The following EYS variants were observed in gnomAD, a reference collection of about 807,000 sequenced individuals.
EYS encodes protein eyes shut homolog.
In EYS, 250 loss-of-function variants were observed where a neutral mutation model predicts 282.1. That is an observed-to-expected ratio of 0.89 (90% CI 0.80 to 0.98). The LOEUF is 0.98. Ranked by LOEUF, EYS falls within the 50% of genes least tolerant of loss-of-function variation. The pLI is 0.00. For synonymous variants in EYS, 1,355 were observed against 1,282.9 expected, an observed-to-expected ratio of 1.06 and a Z score of -1.20; for missense variants, 4,016 against 3,709.0, an observed-to-expected ratio of 1.08 and a Z score of -2.15.
intron 33 of EYS, among the ~76,000 whole-genome samples, chr6:64,032,360 C>T (rs1245542714): frequency 6.6e-6 from 1 of 152,162 alleles, no homozygotes; most frequent in Non-Finnish European, 1.5e-5. Flanking sequence ...ATTTGCTTTT[C>T]CCTAATGACA....
chr6:64,771,609 G>T (rs1324219104), intron 22 of EYS, among the ~76,000 whole-genome samples: 1 of 151,688 alleles, frequency 6.6e-6, no homozygotes, highest in African/African-American at 2.4e-5. Context: ...TTCCTAAACA[G>T]CTTATAACTT....
chr6:64,759,464 ATG>A (rs1311296591), intron 22 of EYS, among the ~76,000 whole-genome samples: 3 of 152,184 alleles, frequency 2.0e-5, no homozygotes, highest in Admixed American at 2.0e-4. Flanking sequence ...AATGAAAATA[ATG>A]TGTCTATATA....
At chr6:65,408,545 A>G (rs1488770575) in intron 5 of EYS, among the ~76,000 whole-genome samples, 1 of 152,078 alleles carries the variant, frequency 6.6e-6, no homozygotes, top group Non-Finnish European at 1.5e-5. Flanking sequence ...ATAATCTTTT[A>G]AAGTTTGAGC....
rs567820669 is a variant in EYS at position 64,582,946 on chromosome 6, A to AG, written c.5644+7276dup. Reference sequence around the variant, plus strand: ...CTGTGTGTTGGGTTTCAGCAGATACAGTTGGCCCTGTAGGAACACCAGCAG... The same window carrying AG: ...CTGTGTGTTGGGTTTCAGCAGATACAGGTTGGCCCTGTAGGAACACCAGCAG... On this transcript the variant is annotated intron_variant, in intron 26 of 42. Transcript: ENST00000503581. Among the ~76,000 whole-genome samples the AG allele has an allele frequency of 2.1e-4, 32 of 152,284 alleles. No individual in the cohort carries two copies. In the South Asian group the frequency reaches 6.6e-3, roughly 32 times the overall value.
chr6:65,281,091 G>GT (rs758852128), intron 12 of EYS, among the ~76,000 whole-genome samples: 31 of 148,012 alleles, frequency 2.1e-4, no homozygotes, highest in South Asian at 4.3e-4. Flanking sequence ...ATTGAGGTAA[G>GT]TTTTTTTTGT....
intron 12 of EYS, among the ~76,000 whole-genome samples, chr6:65,206,073 T>C (rs1766025537): frequency 6.6e-6 from 1 of 151,594 alleles, no homozygotes; most frequent in Non-Finnish European, 1.5e-5. Context: ...TTAAAAATGA[T>C]ACAAAAGATC....
chr6:63,730,495 C>CAATGCACAATG (rs1768755168), intron 41 of EYS, among the ~76,000 whole-genome samples: 1 of 152,200 alleles, frequency 6.6e-6, no homozygotes, highest in South Asian at 2.1e-4. Context: ...ATATGGTGCA[C>CAATGCACAATG]TGCATAACCC....
chr6:65,494,931 T>C lies in EYS; in HGVS notation c.480A>G (p.Pro160=), dbSNP rs1766190002. Residue 160 remains proline (P), a synonymous_variant, in exon 4 of 43, where the codon CCA becomes CCG. Coordinates refer to ENST00000503581, the MANE Select transcript of EYS (RefSeq NM_001142800.2). ...TVMASGPSPC[P]LGLRLNVTVK... ...CTGTCACATTTAGTCGAAGTCCCAG[T>C]GGACAAGGTGATGGACCACTTGCCA... 6.2e-7 allele frequency: 1 copy of C among 1,614,032 alleles called. No individual in the cohort carries two copies. Among genetic ancestry groups the C allele is most frequent in the Non-Finnish European group, 8.5e-7 (1 of 1,180,028 alleles).
intron 22 of EYS, among the ~76,000 whole-genome samples, chr6:64,695,410 A>G (rs539645455): frequency 1.3e-5 from 2 of 151,876 alleles, no homozygotes; most frequent in African/African-American, 4.8e-5. Flanking sequence ...TGCCCATTGC[A>G]CCCCAGCTAC....
At chr6:65,638,890 C>A (rs1472604485) in intron 2 of EYS, among the ~76,000 whole-genome samples, 1 of 152,180 alleles carries the variant, frequency 6.6e-6, no homozygotes, top group African/African-American at 2.4e-5. Context: ...CAGAGGTTTC[C>A]AGCTGGAAAA....
intron 31 of EYS, among the ~76,000 whole-genome samples, chr6:64,193,109 TTTC>T (rs1462620114): frequency 2.0e-5 from 3 of 152,238 alleles, no homozygotes; most frequent in African/African-American, 7.2e-5. Flanking sequence ...TTTGTAGAAA[TTTC>T]TTTCTTCCAT....
intron 1 of EYS, among the ~76,000 whole-genome samples, chr6:65,671,087 T>C (rs866368514): frequency 2.0e-5 from 3 of 152,242 alleles, no homozygotes; most frequent in East Asian, 1.9e-4. Context: ...ATTTATGCCA[T>C]GTTATATGTT....
At position 65,495,957 on chromosome 6, in the gene EYS, A is replaced by C. The variant is rs148880343; in HGVS notation, c.-296T>G. 6.5e-6 allele frequency: 1 copy of C among 154,914 alleles called. No individual in the cohort carries two copies. The highest frequency in any genetic ancestry group is 1.9e-4 in the East Asian group (1 of 5,218). The allele number at this position is 154,914 out of a possible 1,614,324, so 9.6% of individuals were successfully genotyped here. A position where few individuals can be genotyped will look rare whatever the true frequency, so the allele number is the denominator to read the frequency against. ...CAGATGGTTTCAATTTTCTTGGGAG[A>C]TAAGCATTCCTCTTCTGATTAGTTT... On this transcript the variant is annotated 5_prime_UTR_variant, in exon 3 of 43. Coordinates refer to ENST00000503581, the MANE Select transcript of EYS (RefSeq NM_001142800.2).
At chr6:65,241,872 C>T (rs1407245) in intron 12 of EYS, among the ~76,000 whole-genome samples, 47,848 of 151,784 alleles carry the variant, frequency 0.32, 8,376 homozygotes, top group African/African-American at 0.46. Flanking sequence ...CACTTATTAA[C>T]GAGTCAATTT....
intron 2 of EYS, among the ~76,000 whole-genome samples, chr6:65,513,926 G>T (rs1044401510): frequency 6.6e-6 from 1 of 152,154 alleles, no homozygotes; most frequent in African/African-American, 2.4e-5. Flanking sequence ...ACATAGTGTT[G>T]GAAGTCCTGG....
At chr6:64,223,137 A>T (rs1766152353) in intron 31 of EYS, among the ~76,000 whole-genome samples, 1 of 151,972 alleles carries the variant, frequency 6.6e-6, no homozygotes, top group Admixed American at 6.6e-5. Flanking sequence ...CCCGTCCTGG[A>T]ACCATTAAAA....
At chr6:63,723,912 C>G (rs1389266046) in intron 42 of EYS, among the ~76,000 whole-genome samples, 1 of 151,662 alleles carries the variant, frequency 6.6e-6, no homozygotes. Flanking sequence ...ACCTCCATCT[C>G]CCGGGCTGCC....
At chr6:65,585,719 G>A (rs1434330924) in intron 2 of EYS, among the ~76,000 whole-genome samples, 1 of 151,700 alleles carries the variant, frequency 6.6e-6, no homozygotes, top group East Asian at 1.9e-4. Context: ...GTGACTGTAT[G>A]TTGTATTTCA....
intron 28 of EYS, among the ~76,000 whole-genome samples, chr6:64,415,367 G>C (rs1774027171): frequency 6.6e-6 from 1 of 152,126 alleles, no homozygotes; most frequent in Non-Finnish European, 1.5e-5. Flanking sequence ...TGCTTTTTGT[G>C]ATGCTCTAAA....
Sources: gnomAD v4.1 joint callset for allele counts (sites outside exome capture counted in the v4.1 genomes callset) on GRCh38, gnomAD v4.1.1 for gene constraint, MANE v1.5 for transcripts, NCBI Gene and HGNC (gene_info 2026-07-23, HGNC 2026-07-21) for gene names.